Variants in SHLD1 observed in about 807,000 individuals in gnomAD.
The protein encoded by SHLD1 is RINN1-REV7-interacting novel NHEJ regulator 3.
In SHLD1, 3 loss-of-function variants were observed where a neutral mutation model predicts 5.5. The observed-to-expected ratio is 0.54, with a 90% confidence interval of 0.25 to 1.40. SHLD1 has a LOEUF of 1.40. SHLD1 is among the 40% of genes most tolerant of loss of function. The pLI is 0.15. For synonymous variants in SHLD1, 92 were observed against 94.3 expected, an observed-to-expected ratio of 0.98 and a Z score of 0.14; for missense variants, 210 against 244.4, an observed-to-expected ratio of 0.86 and a Z score of 0.94.
chr20:5,760,210 G>A (rs1302779610), intron 1 of SHLD1, among the ~76,000 whole-genome samples: 2 of 152,108 alleles, frequency 1.3e-5, no homozygotes, highest in Admixed American at 6.6e-5. Flanking sequence ...CTTCTGGAAA[G>A]GTCTAGAGAG....
chr20:5,814,654 C>CTTTTTTTTTTTTTTTTTTTTTTTT (rs148119460), intron 2 of SHLD1, among the ~76,000 whole-genome samples: 2 of 103,810 alleles, frequency 1.9e-5, no homozygotes, highest in Non-Finnish European at 1.9e-5. Context: ...TTTTCTTCTT[C>CTTTTTTTTTTTTTTTTTTTTTTTT]TTTTTTTTTT....
At chr20:5,798,553 C>T (rs541454710) in intron 2 of SHLD1, among the ~76,000 whole-genome samples, 21 of 151,404 alleles carry the variant, frequency 1.4e-4, no homozygotes, top group South Asian at 4.2e-4. Flanking sequence ...CCGCCCGCCT[C>T]GGCCTCCCAA....
intron 1 of SHLD1, among the ~76,000 whole-genome samples, chr20:5,754,182 C>G (rs1983928114): frequency 6.6e-6 from 1 of 152,104 alleles, no homozygotes; most frequent in African/African-American, 2.4e-5. Flanking sequence ...GTCATCTCAG[C>G]TCACTGCAGC....
At chr20:5,755,711 C>T (rs962960778) in intron 1 of SHLD1, among the ~76,000 whole-genome samples, 1 of 152,048 alleles carries the variant, frequency 6.6e-6, no homozygotes, top group Admixed American at 6.6e-5. Flanking sequence ...AGGCACGCAC[C>T]ACCGCGCCTG....
At chr20:5,852,606 C>A (rs1304082726) in intron 2 of SHLD1, among the ~76,000 whole-genome samples, 3 of 152,180 alleles carry the variant, frequency 2.0e-5, no homozygotes, top group African/African-American at 7.2e-5. Flanking sequence ...TATGCCACCA[C>A]TCCCGGCTAA....
rs115309211 is a variant in SHLD1 at position 5,778,924 on chromosome 20, C to T, written c.178+5881C>T. The stretch of plus-strand genomic sequence containing the variant: ...TATCTACAAAAGTCAGTTAGGAGGC[C>T]AGATGCAGTGGCTCATGCCTGTAAT... On this transcript the variant is annotated intron_variant, in intron 2 of 2. Transcript: ENST00000303142. 5.4e-3 allele frequency among the ~76,000 whole-genome samples: 829 copies of T among 152,156 alleles called. 9 individuals carry two copies. Among genetic ancestry groups the T allele is most frequent in the African/African-American group, 0.019 (785 of 41,502 alleles).
intron 2 of SHLD1, among the ~76,000 whole-genome samples, chr20:5,815,224 C>A (rs2087513717): frequency 6.6e-6 from 1 of 152,264 alleles, no homozygotes; most frequent in East Asian, 1.9e-4. Context: ...TTTTAATGAT[C>A]TTGATGCCCG....
At chr20:5,776,871 C>G (rs1360425708) in intron 2 of SHLD1, among the ~76,000 whole-genome samples, 1 of 152,064 alleles carries the variant, frequency 6.6e-6, no homozygotes, top group Non-Finnish European at 1.5e-5. Flanking sequence ...TCTCTGCATA[C>G]TCCACACTGC....
intron 1 of SHLD1, among the ~76,000 whole-genome samples, chr20:5,755,464 C>T (rs1243614462): frequency 1.3e-5 from 2 of 152,164 alleles, no homozygotes; most frequent in Admixed American, 6.5e-5. Context: ...CGTCCCCCCA[C>T]CCCCAGTCCA....
intron 1 of SHLD1, among the ~76,000 whole-genome samples, chr20:5,769,220 T>C (rs1488720837): frequency 6.6e-6 from 1 of 152,244 alleles, no homozygotes; most frequent in Non-Finnish European, 1.5e-5. Flanking sequence ...TCAAATATTC[T>C]TGTAGGCCTT....
rs150675433 is a variant in SHLD1, at chr20:5,844,770, C to CATAT, written c.179-18227_179-18224dup. Among the ~76,000 whole-genome samples the CATAT allele has an allele frequency of 7.7e-3, 779 of 100,934 alleles. 31 individuals carry two copies. The highest frequency in any genetic ancestry group is 0.056 in the East Asian group (173 of 3,076). The allele number at this position is 100,934 out of a possible 152,430, so 66.2% of individuals were successfully genotyped here. A position where few individuals can be genotyped will look rare whatever the true frequency, so the allele number is the denominator to read the frequency against. ...ATAATATCTATCACTGTGTAGTAGA[C>CATAT]ATATATATATATATATATATATATA... On this transcript the variant is annotated intron_variant, in intron 2 of 2. Coordinates refer to ENST00000303142, the MANE Select transcript of SHLD1 (RefSeq NM_152504.4).
Position 5,765,833 on chromosome 20 carries a change from G to T in SHLD1, c.-4-7029G>T, listed in dbSNP as rs184659516. On this transcript the variant is annotated intron_variant, in intron 1 of 2. Coordinates refer to ENST00000303142, the MANE Select transcript of SHLD1 (RefSeq NM_152504.4). ...AGGGTTTCACTATGTTGGCCAGGCTGGTCTCAAACTCCTGACCTCACGTGA... is the reference window on the plus strand; with the variant it reads ...AGGGTTTCACTATGTTGGCCAGGCTTGTCTCAAACTCCTGACCTCACGTGA... Among the ~76,000 whole-genome samples, 21 of 125,408 alleles carry T rather than the reference G, an allele frequency of 1.7e-4. No individual in the cohort carries two copies. In the South Asian group the frequency reaches 5.1e-3, roughly 30 times the overall value. 82.3% of individuals were successfully genotyped at this position (125,408 alleles called of 152,430 possible). A position where few individuals can be genotyped will look rare whatever the true frequency, so the allele number is the denominator to read the frequency against.
rs371804479 is a variant in SHLD1, at chr20:5,773,619, A to T, written c.178+576A>T. Among the ~76,000 whole-genome samples, 4 of 152,218 alleles carry T rather than the reference A, an allele frequency of 2.6e-5. No individual in the cohort carries two copies. In the East Asian group the frequency reaches 5.8e-4, roughly 22 times the overall value. ...TATTAATTACCTGATCTGAGTCTGG[A>T]GGCCCGCAGACCTGGATTTATTTAT... On this transcript the variant is annotated intron_variant, in intron 2 of 2. Coordinates refer to ENST00000303142, the MANE Select transcript of SHLD1 (RefSeq NM_152504.4).
In SHLD1 at chr20:5,781,471, T is replaced by A. The variant is rs141552958; in HGVS notation, c.178+8428T>A. ...TTCTTCTGTTTAGGTCCCTTTGAGA[T>A]GTCATATTACACTACTTTTGTCTTT... is the stretch of plus-strand genomic sequence containing the variant. On this transcript the variant is annotated intron_variant, in intron 2 of 2. Transcript: ENST00000303142. Among the ~76,000 whole-genome samples, 80 of 152,242 alleles carry A rather than the reference T, an allele frequency of 5.3e-4. 1 individual carries two copies. The highest frequency in any genetic ancestry group is 9.9e-4 in the Non-Finnish European group (67 of 68,014).
At chr20:5,802,987 T>C (rs2087317682) in intron 2 of SHLD1, among the ~76,000 whole-genome samples, 1 of 152,164 alleles carries the variant, frequency 6.6e-6, no homozygotes, top group Non-Finnish European at 1.5e-5. Context: ...CTGGCTTCCA[T>C]CTGGCTTGAT....
chr20:5,798,748 G>A (rs112733492), intron 2 of SHLD1, among the ~76,000 whole-genome samples: 3,975 of 151,750 alleles, frequency 0.026, 80 homozygotes, highest in Non-Finnish European at 0.039. Context: ...CTCCAGAGTA[G>A]CTGGGACTAC....
At chr20:5,773,093 T>C (rs760695614) in intron 2 of SHLD1, 50 bp downstream of exon 2, 3 of 1,573,518 alleles carry the variant, frequency 1.9e-6, no homozygotes, top group South Asian at 2.2e-5. Context: ...CTAGCAGCAA[T>C]ACGGGTGTGT....
chr20:5,828,660 T>G (rs150957662), intron 2 of SHLD1, among the ~76,000 whole-genome samples: 116 of 152,352 alleles, frequency 7.6e-4, no homozygotes, highest in African/African-American at 2.7e-3. Context: ...TGCTTCGCAT[T>G]TCACTGTCCT....
intron 2 of SHLD1, among the ~76,000 whole-genome samples, chr20:5,832,018 G>C (rs1200870542): frequency 7.9e-5 from 12 of 152,118 alleles, no homozygotes; most frequent in Non-Finnish European, 1.3e-4. Context: ...AGCTGTCTTG[G>C]CAACCTCCGC....
Sources: gnomAD v4.1 joint callset for allele counts (sites outside exome capture counted in the v4.1 genomes callset) on GRCh38, gnomAD v4.1.1 for gene constraint, MANE v1.5 for transcripts, NCBI Gene and HGNC (gene_info 2026-07-23, HGNC 2026-07-21) for gene names.